MANBA: variants seen among roughly 807,000 people sequenced by gnomAD.
MANBA encodes mannosidase beta.
In MANBA, 83 loss-of-function variants were observed where a neutral mutation model predicts 111.1. That is an observed-to-expected ratio of 0.75 (90% confidence interval 0.63 to 0.90). The LOEUF is 0.90. Among genes scored for constraint, MANBA ranks in the 40% least tolerant of loss-of-function variants. The probability of loss-of-function intolerance (pLI) is 0.00; values close to 1 mark genes in which losing one functional copy is unlikely to be tolerated. For missense variants in MANBA, 1,036 were observed against 1,069.0 expected, an observed-to-expected ratio of 0.97 and a Z score of 0.43; for synonymous variants, 370 against 378.7, an observed-to-expected ratio of 0.98 and a Z score of 0.27.
At chr4:102,728,796 T>G in intron 1 of MANBA, 1 of 926,634 alleles carries the variant, frequency 1.1e-6, no homozygotes. Context: ...CCATCATGGG[T>G]CTCGATCTTC....
intron 3 of MANBA, among the ~76,000 whole-genome samples, chr4:102,723,566 A>T (rs771338596): frequency 6.6e-6 from 1 of 152,266 alleles, no homozygotes; most frequent in East Asian, 1.9e-4. Flanking sequence ...CATTTGTCCA[A>T]TGAAACTGTA....
chr4:102,710,097 GA>G (rs1278402915), intron 5 of MANBA, among the ~76,000 whole-genome samples: 1 of 152,062 alleles, frequency 6.6e-6, no homozygotes, highest in African/African-American at 2.4e-5. Context: ...CTAAGAACTA[GA>G]ATGGGAAAAA....
intron 13 of MANBA, among the ~76,000 whole-genome samples, chr4:102,646,863 A>G (rs564594598): frequency 6.6e-6 from 1 of 152,246 alleles, no homozygotes; most frequent in South Asian, 2.1e-4. Flanking sequence ...CTTTTTGGCT[A>G]TAAGACAAAG....
At chr4:102,708,841 A>T (rs1721876821) in intron 5 of MANBA, among the ~76,000 whole-genome samples, 1 of 151,716 alleles carries the variant, frequency 6.6e-6, no homozygotes, top group Non-Finnish European at 1.5e-5. Context: ...AAATATACTA[A>T]TATTTTGTAT....
intron 1 of MANBA, among the ~76,000 whole-genome samples, chr4:102,731,581 T>C (rs187655149): frequency 6.6e-6 from 1 of 152,318 alleles, no homozygotes; most frequent in East Asian, 1.9e-4. Context: ...TACATGTCTC[T>C]GTGTGGCTAG....
rs564555068 is a variant in MANBA, at chr4:102,706,579, G to A, written c.673+7859C>T. Among the ~76,000 whole-genome samples the A allele has an allele frequency of 4.0e-5, 6 of 151,894 alleles. No homozygotes were observed. In the South Asian group the frequency reaches 1.2e-3, roughly 32 times the overall value. ...GCAAGGAAATATGACACTTTCAAAG[G>A]AACACAATAATTATCCAACAACAGA... On this transcript the variant is annotated intron_variant, in intron 5 of 16. Transcript: ENST00000647097.
intron 1 of MANBA, among the ~76,000 whole-genome samples, chr4:102,733,473 C>T (rs1169868753): frequency 1.3e-5 from 2 of 152,196 alleles, no homozygotes; most frequent in African/African-American, 4.8e-5. Context: ...CCCAGCTCAG[C>T]CTCCTGAGGA....
intron 8 of MANBA, among the ~76,000 whole-genome samples, 198 bp from the exon 9 acceptor site, chr4:102,671,596 G>A (rs558316662): frequency 3.9e-5 from 6 of 152,128 alleles, no homozygotes; most frequent in African/African-American, 1.4e-4. Context: ...GAAAAAGTAT[G>A]GGTGATATCT....
At chr4:102,744,880 G>A (rs903805618) in intron 1 of MANBA, among the ~76,000 whole-genome samples, 1 of 152,142 alleles carries the variant, frequency 6.6e-6, no homozygotes, top group Admixed American at 6.5e-5. Context: ...AGCTCTAATG[G>A]TTTCCATTTG....
At chr4:102,684,714 T>TATACTATG (rs1732133916) in intron 7 of MANBA, among the ~76,000 whole-genome samples, 1 of 152,222 alleles carries the variant, frequency 6.6e-6, no homozygotes, top group South Asian at 2.1e-4. Flanking sequence ...GAACCCCATA[T>TATACTATG]ATACTATGAC....
chr4:102,689,650 T>G lies in MANBA; in HGVS notation c.884A>C (p.His295Pro). 6.2e-7 allele frequency: 1 copy of G among 1,609,966 alleles called. No homozygotes were observed. The highest frequency in any genetic ancestry group is 8.5e-7 in the Non-Finnish European group (1 of 1,176,502). ...ITVETWWPHGHGNQTGYNMTV... is the reference protein window; with the variant it reads ...ITVETWWPHGPGNQTGYNMTV... ...CATGTTGTACCCAGTCTGGTTTCCA[T>G]GTCCATGAGGCCACCAAGTTTCTAC... is the stretch of plus-strand genomic sequence containing the variant. The change falls in exon 7 of 17, where the codon CAT becomes CCT. Residue 295 changes from histidine (H) to proline (P), a missense_variant. Coordinates refer to ENST00000647097, the MANE Select transcript of MANBA (RefSeq NM_005908.4).
rs150608578 is a variant in MANBA at position 102,753,901 on chromosome 4, G to A, written c.177+6817C>T. ...AGATCGAGACCAGCTTGAGCAACACGGTGAGACCATGAGAATCGCTTGAAC... is the reference window on the plus strand; with the variant it reads ...AGATCGAGACCAGCTTGAGCAACACAGTGAGACCATGAGAATCGCTTGAAC... On this transcript the variant is annotated intron_variant, in intron 1 of 16. Transcript: ENST00000647097. 6.9e-4 allele frequency: 301 copies of A among 437,198 alleles called. 5 individuals carry two copies. Among genetic ancestry groups the A allele is most frequent in the African/African-American group, 5.6e-3 (272 of 48,206 alleles). The allele number at this position is 437,198 out of a possible 1,614,324, so 27.1% of individuals were successfully genotyped here.
At chr4:102,712,083 A>G (rs1326443546) in intron 5 of MANBA, among the ~76,000 whole-genome samples, 3 of 152,252 alleles carry the variant, frequency 2.0e-5, no homozygotes, top group East Asian at 3.8e-4. Flanking sequence ...TTCCCAACAT[A>G]GAGAAATGAT....
intron 10 of MANBA, chr4:102,667,616 G>A (rs1162232702): frequency 1.3e-5 from 2 of 152,142 alleles, no homozygotes; most frequent in Admixed American, 1.3e-4. Context: ...ACAGTTTCAT[G>A]AGGAGTGACA....
At chr4:102,693,924 T>A (rs1195184354) in intron 5 of MANBA, among the ~76,000 whole-genome samples, 1 of 152,194 alleles carries the variant, frequency 6.6e-6, no homozygotes, top group Non-Finnish European at 1.5e-5. Flanking sequence ...TACACTGAAT[T>A]TGAAATATAC....
intron 5 of MANBA, among the ~76,000 whole-genome samples, chr4:102,709,292 A>C (rs1721915985): frequency 2.1e-5 from 1 of 47,010 alleles, no homozygotes. Flanking sequence ...GAAAGGAAGG[A>C]AGGAAGGAAG....
intron 5 of MANBA, among the ~76,000 whole-genome samples, chr4:102,704,461 C>A (rs929851457): frequency 6.6e-6 from 1 of 152,122 alleles, no homozygotes; most frequent in Non-Finnish European, 1.5e-5. Flanking sequence ...TGAGCCACCA[C>A]GCCCAGCCTT....
intron 12 of MANBA, 119 bp downstream of exon 12, chr4:102,657,563 C>T (rs557176706): frequency 2.3e-6 from 2 of 853,856 alleles, no homozygotes; most frequent in African/African-American, 1.7e-5. Flanking sequence ...CCATCTTCTT[C>T]TCAAACTTTC....
intron 5 of MANBA, 111 bp downstream of exon 5, chr4:102,714,326 GT>G: frequency 3.6e-6 from 4 of 1,123,570 alleles, no homozygotes; most frequent in East Asian, 2.4e-5. Flanking sequence ...GTACCACAAA[GT>G]TTTTAAAAAT....
Sources: gnomAD v4.1 joint callset for allele counts (sites outside exome capture counted in the v4.1 genomes callset) on GRCh38, gnomAD v4.1.1 for gene constraint, MANE v1.5 for transcripts, NCBI Gene and HGNC (gene_info 2026-07-23, HGNC 2026-07-21) for gene names.